The following PGCKA1 variants were observed in gnomAD, a reference collection of about 807,000 sequenced individuals.
The protein encoded by PGCKA1 is PDCD10 and GCKIII kinases associated 1.
chr4:37,524,629 A>T, the PGCKA1 span, among the ~76,000 whole-genome samples: 1 of 152,246 alleles, frequency 6.6e-6, no homozygotes, highest in Non-Finnish European at 1.5e-5. Flanking sequence ...TTATACAGGG[A>T]TCTGATACTA....
the PGCKA1 span, among the ~76,000 whole-genome samples, chr4:37,560,720 C>G: frequency 6.6e-6 from 1 of 152,082 alleles, no homozygotes; most frequent in East Asian, 1.9e-4. Context: ...CTTAAAATCA[C>G]CCTTGCCTCT....
the PGCKA1 span, among the ~76,000 whole-genome samples, chr4:37,536,134 G>T: frequency 2.0e-5 from 3 of 152,274 alleles, 1 homozygote; most frequent in Admixed American, 2.0e-4. Context: ...TACATAACTG[G>T]CCATATAGCC....
At chr4:37,530,573 CAAAAAAAAAA>C in the PGCKA1 span, among the ~76,000 whole-genome samples, 53 of 71,388 alleles carry the variant, frequency 7.4e-4, no homozygotes, top group Non-Finnish European at 1.2e-3. Flanking sequence ...AACTATGTCT[CAAAAAAAAAA>C]AAAAAAAAAA....
the PGCKA1 span, among the ~76,000 whole-genome samples, chr4:37,519,310 T>C: frequency 6.6e-6 from 1 of 152,122 alleles, no homozygotes; most frequent in Non-Finnish European, 1.5e-5. Context: ...GTGAAGAATG[T>C]CATTGGTATT....
chr4:37,512,422 G>C, the PGCKA1 span, among the ~76,000 whole-genome samples: 76,811 of 150,206 alleles, frequency 0.51, 19,975 homozygotes, highest in African/African-American at 0.6. Flanking sequence ...TCCTGTGAGG[G>C]AGTAGCTGCC....
At chr4:37,555,607 C>T in the PGCKA1 span, among the ~76,000 whole-genome samples, 5 of 152,024 alleles carry the variant, frequency 3.3e-5, no homozygotes, top group South Asian at 2.1e-4. Flanking sequence ...GGGTGTGGCT[C>T]GAGAGGTGGA....
chr4:37,541,479 CGAG>C, the PGCKA1 span, among the ~76,000 whole-genome samples: 3 of 152,228 alleles, frequency 2.0e-5, no homozygotes, highest in Admixed American at 6.5e-5. Context: ...CAGAAATGAG[CGAG>C]GAGGAGAGTC....
At chr4:37,572,147 C>G in the PGCKA1 span, among the ~76,000 whole-genome samples, 7 of 144,482 alleles carry the variant, frequency 4.8e-5, no homozygotes, top group East Asian at 1.0e-3. Context: ...ACTGCAAGCT[C>G]CGCCTCCCGG....
chr4:37,577,506 C>CA, the PGCKA1 span, among the ~76,000 whole-genome samples: 14,228 of 151,318 alleles, frequency 0.094, 2,154 homozygotes, highest in African/African-American at 0.31. Flanking sequence ...GTTATCTTTT[C>CA]AAAAAAAACC....
At chr4:37,557,991 C>G in the PGCKA1 span, 1 of 152,164 alleles carries the variant, frequency 6.6e-6, no homozygotes, top group Non-Finnish European at 1.5e-5. Context: ...GAAGGCAACC[C>G]ACAGATCTCA....
the PGCKA1 span, among the ~76,000 whole-genome samples, chr4:37,544,776 A>G: frequency 7.2e-6 from 1 of 138,726 alleles, no homozygotes; most frequent in Non-Finnish European, 1.6e-5. Context: ...GTTGTTTTGG[A>G]TTTTCTTTTT....
the PGCKA1 span, among the ~76,000 whole-genome samples, chr4:37,539,516 A>ACG: frequency 5.6e-3 from 852 of 152,224 alleles, 12 homozygotes; most frequent in African/African-American, 0.019. Context: ...AATTAGCCAG[A>ACG]TGTGGCGCAC....
chr4:37,562,709 A>G, the PGCKA1 span, among the ~76,000 whole-genome samples: 1 of 152,202 alleles, frequency 6.6e-6, no homozygotes, highest in African/African-American at 2.4e-5. Context: ...AGCATATTAT[A>G]TGACATATTT....
At chr4:37,571,355 CTTTT>C in the PGCKA1 span, among the ~76,000 whole-genome samples, 209 of 78,082 alleles carry the variant, frequency 2.7e-3, 2 homozygotes, top group African/African-American at 0.01. Context: ...GACTATTATC[CTTTT>C]TTTTTTTTTT....
At chr4:37,550,272 G>A in the PGCKA1 span, among the ~76,000 whole-genome samples, 2 of 151,994 alleles carry the variant, frequency 1.3e-5, no homozygotes, top group Non-Finnish European at 2.9e-5. Flanking sequence ...CCCCAAACAT[G>A]TAACCTTAAA....
At chr4:37,541,933 T>A in the PGCKA1 span, among the ~76,000 whole-genome samples, 1 of 152,094 alleles carries the variant, frequency 6.6e-6, no homozygotes, top group East Asian at 1.9e-4. Flanking sequence ...CATTGCCCAG[T>A]GGTAGCGGAC....
the PGCKA1 span, chr4:37,453,906 G>A: frequency 2.6e-5 from 4 of 152,356 alleles, no homozygotes; most frequent in Admixed American, 2.6e-4. Flanking sequence ...GACAGCGCTG[G>A]GGCGGCCGCT....
the PGCKA1 span, among the ~76,000 whole-genome samples, chr4:37,507,348 C>G: frequency 2.6e-5 from 4 of 152,054 alleles, no homozygotes; most frequent in South Asian, 2.1e-4. Flanking sequence ...TGATGGCCTG[C>G]TGTTTCTTCT....
the PGCKA1 span, among the ~76,000 whole-genome samples, chr4:37,487,772 A>G: frequency 1.2e-4 from 18 of 150,286 alleles, no homozygotes; most frequent in African/African-American, 4.1e-4. Flanking sequence ...GTATGATTAC[A>G]TATATACATA....
Sources: allele counts gnomAD v4.1 joint callset (sites outside exome capture counted in the v4.1 genomes callset), GRCh38; gene constraint gnomAD v4.1.1; transcripts MANE v1.5; gene names NCBI Gene and HGNC (gene_info 2026-07-23, HGNC 2026-07-21).